Variants in ULK4 observed in about 807,000 individuals in gnomAD.
ULK4 encodes the protein unc-51 like kinase 4, also known as inactive serine/threonine-protein kinase ULK4.
A neutral mutation model predicts 160.6 loss-of-function variants in ULK4; 133 were observed. The ratio of observed to expected loss-of-function variants is 0.83; its 90% CI spans 0.72 to 0.96. ULK4 has a LOEUF of 0.96. ULK4 is among the 40% of genes least tolerant of loss of function. The pLI, the probability that ULK4 is intolerant of heterozygous loss-of-function variation, is 0.00. For synonymous variants in ULK4, 534 were observed against 539.8 expected (o/e 0.99, Z 0.15); for missense variants, 1,580 against 1,499.5 (o/e 1.05, Z -0.89).
At chr3:41,580,051 AGTACACAGAGTAACG>A (rs1432088746) in intron 31 of ULK4, among the ~76,000 whole-genome samples, 5 of 152,196 alleles carry the variant, frequency 3.3e-5, no homozygotes, top group African/African-American at 1.2e-4. Flanking sequence ...ACCCACTCAA[AGTACACAGAGTAACG>A]GTGTCACAGC....
chr3:41,329,247 G>A (rs2080396562), intron 35 of ULK4, among the ~76,000 whole-genome samples: 1 of 152,142 alleles, frequency 6.6e-6, no homozygotes, highest in Non-Finnish European at 1.5e-5. Flanking sequence ...AGAGTATGAT[G>A]GGGAACATCA....
At chr3:41,335,133 T>A (rs1373236355) in intron 35 of ULK4, among the ~76,000 whole-genome samples, 1 of 152,232 alleles carries the variant, frequency 6.6e-6, no homozygotes, top group African/African-American at 2.4e-5. Flanking sequence ...TTCTTCTTTA[T>A]AATAGTGTTC....
intron 32 of ULK4, among the ~76,000 whole-genome samples, chr3:41,479,070 C>A (rs550277631): frequency 1.6e-4 from 25 of 152,276 alleles, no homozygotes; most frequent in African/African-American, 6.0e-4. Context: ...GGGGTCTATC[C>A]CCAAAAACCT....
chr3:41,525,557 C>A (rs141079485), intron 32 of ULK4, among the ~76,000 whole-genome samples: 3 of 152,300 alleles, frequency 2.0e-5, no homozygotes, highest in Non-Finnish European at 4.4e-5. Context: ...TAAAACAGCC[C>A]TTTCCAGGCA....
intron 27 of ULK4, among the ~76,000 whole-genome samples, chr3:41,700,781 A>G (rs2036647061): frequency 6.6e-6 from 1 of 152,224 alleles, no homozygotes; most frequent in Non-Finnish European, 1.5e-5. Flanking sequence ...TGATATTAGA[A>G]TTACCACATA....
At chr3:41,809,037 A>AT (rs1180510325) in intron 19 of ULK4, among the ~76,000 whole-genome samples, 3 of 152,052 alleles carry the variant, frequency 2.0e-5, no homozygotes, top group Non-Finnish European at 4.4e-5. Flanking sequence ...GTGGTGGTGC[A>AT]TGCCTGTAAT....
intron 25 of ULK4, among the ~76,000 whole-genome samples, chr3:41,711,703 G>A (rs2037101847): frequency 1.3e-5 from 2 of 152,138 alleles, no homozygotes; most frequent in African/African-American, 2.4e-5. Context: ...AATGAGGCCA[G>A]AACTTAAACA....
Position 41,935,917 on chromosome 3 carries a change from C to T in ULK4, c.262G>A (p.Ala88Thr). 1 of 1,613,702 alleles carries T rather than the reference C, an allele frequency of 6.2e-7. No homozygotes were observed. The highest frequency in any genetic ancestry group is 8.5e-7 in the Non-Finnish European group (1 of 1,179,896). ...TCTTCTGGGAGGTTTTCATCTTGAGCAATAACTGTTTTTAAGGAACCACCT... is the reference window on the plus strand; with the variant it reads ...TCTTCTGGGAGGTTTTCATCTTGAGTAATAACTGTTTTTAAGGAACCACCT... ...CTGGSLKTVI[A>T]QDENLPEDVV... Residue 88 changes from alanine to threonine, a missense_variant, in exon 4 of 37, where the codon GCT becomes ACT. Transcript: ENST00000301831.
intron 34 of ULK4, among the ~76,000 whole-genome samples, chr3:41,400,784 T>C (rs4973944): frequency 0.57 from 87,374 of 152,036 alleles, 26,636 homozygotes; most frequent in African/African-American, 0.81. Flanking sequence ...TTTTACCTTT[T>C]TACATTCCTA....
At chr3:41,711,523 A>T (rs2037095345) in intron 25 of ULK4, among the ~76,000 whole-genome samples, 1 of 152,232 alleles carries the variant, frequency 6.6e-6, no homozygotes, top group South Asian at 2.1e-4. Context: ...TCATGTTTTC[A>T]AAAATACAAG....
chr3:41,530,953 G>A (rs940095447), intron 32 of ULK4, among the ~76,000 whole-genome samples: 24 of 151,080 alleles, frequency 1.6e-4, no homozygotes, highest in African/African-American at 5.1e-4. Context: ...TAGTAGAGAC[G>A]GGGTTTCACC....
chr3:41,469,602 CAAAAAAAA>C (rs71616008), intron 32 of ULK4, among the ~76,000 whole-genome samples: 194 of 11,310 alleles, frequency 0.017, 2 homozygotes, highest in African/African-American at 0.051. Flanking sequence ...CTACACCTGC[CAAAAAAAA>C]AAAAAAAAAA....
intron 32 of ULK4, among the ~76,000 whole-genome samples, chr3:41,563,308 A>G (rs1215656031): frequency 6.6e-6 from 1 of 151,210 alleles, no homozygotes; most frequent in East Asian, 1.9e-4. Flanking sequence ...CTTCATTTCA[A>G]CCTTGGTGAA....
At chr3:41,449,763 T>C (rs1332330847) in intron 34 of ULK4, among the ~76,000 whole-genome samples, 1 of 151,892 alleles carries the variant, frequency 6.6e-6, no homozygotes, top group East Asian at 1.9e-4. Flanking sequence ...CTACATTGTG[T>C]TTTATTTTTA....
At chr3:41,351,473 T>C (rs1374067837) in intron 35 of ULK4, among the ~76,000 whole-genome samples, 1 of 152,234 alleles carries the variant, frequency 6.6e-6, no homozygotes, top group Admixed American at 6.5e-5. Flanking sequence ...TAATTGCCAA[T>C]CTCTCCAGAG....
chr3:41,490,741 G>A (rs1452188806), intron 32 of ULK4, among the ~76,000 whole-genome samples: 2 of 152,130 alleles, frequency 1.3e-5, no homozygotes, highest in African/African-American at 4.8e-5. Context: ...CATGGTTTGG[G>A]AATATTAAAG....
At chr3:41,503,826 T>C (rs540485410) in intron 32 of ULK4, among the ~76,000 whole-genome samples, 3 of 152,266 alleles carry the variant, frequency 2.0e-5, no homozygotes, top group African/African-American at 7.2e-5. Flanking sequence ...TGGATCTTAC[T>C]CATGTATGTA....
At chr3:41,471,661 T>G (rs1459700559) in intron 32 of ULK4, among the ~76,000 whole-genome samples, 1 of 152,196 alleles carries the variant, frequency 6.6e-6, no homozygotes, top group Non-Finnish European at 1.5e-5. Flanking sequence ...CAAGTACCTT[T>G]ACCAAATAGG....
chr3:41,916,882 G>A (rs1355595393), intron 7 of ULK4, among the ~76,000 whole-genome samples: 5 of 151,338 alleles, frequency 3.3e-5, no homozygotes, highest in African/African-American at 9.7e-5. Context: ...TAATTTTTTT[G>A]TATTTAGTAG....
Sources: gnomAD v4.1 joint callset for allele counts (sites outside exome capture counted in the v4.1 genomes callset) on GRCh38, gnomAD v4.1.1 for gene constraint, MANE v1.5 for transcripts, NCBI Gene and HGNC (gene_info 2026-07-23, HGNC 2026-07-21) for gene names.